Variants in SEMA4B observed in about 807,000 individuals in gnomAD.
SEMA4B encodes the protein semaphorin 4B.
A neutral mutation model predicts 88.1 loss-of-function variants in SEMA4B; 55 were observed. That is an observed-to-expected ratio of 0.62 (90% CI 0.50 to 0.78). The LOEUF is 0.78. SEMA4B is among the 30% of genes least tolerant of loss of function. SEMA4B has a pLI of 0.00. For missense variants in SEMA4B, 1,062 were observed against 1,111.9 expected (o/e 0.96, Z 0.64); for synonymous variants, 525 against 473.6 (o/e 1.11, Z -1.41).
At chr15:90,186,963 TAAAAA>T (rs1960185069) in intron 1 of SEMA4B, among the ~76,000 whole-genome samples, 1 of 151,684 alleles carries the variant, frequency 6.6e-6, no homozygotes, top group Non-Finnish European at 1.5e-5. Context: ...AACAAAAAAA[TAAAAA>T]TAAAATAAAT....
At position 90,221,768 on chromosome 15, in the gene SEMA4B, G is replaced by A; in HGVS notation, c.861+3G>A. ...CCCGCATTGCCCGCATCTGCAAGGT[G>A]AGGGGAACGGGCTGACAGGGTGGCC... On this transcript the variant is annotated splice_donor_region_variant and intron_variant, in intron 7 of 13. Coordinates refer to ENST00000411539, the MANE Select transcript of SEMA4B (RefSeq NM_198925.4). The A allele has an allele frequency of 6.2e-7, 1 of 1,613,486 alleles. No individual in the cohort carries two copies. The highest frequency in any genetic ancestry group is 8.5e-7 in the Non-Finnish European group (1 of 1,179,654).
At chr15:90,195,824 G>A (rs1365962008) in intron 1 of SEMA4B, among the ~76,000 whole-genome samples, 1 of 151,774 alleles carries the variant, frequency 6.6e-6, no homozygotes, top group Non-Finnish European at 1.5e-5. Flanking sequence ...TGCCCAGGTT[G>A]GTCCCGAACC....
chr15:90,224,518 G>A (rs1445549633), intron 9 of SEMA4B, among the ~76,000 whole-genome samples: 1 of 152,216 alleles, frequency 6.6e-6, no homozygotes, highest in African/African-American at 2.4e-5. Flanking sequence ...TGTTGCTGTG[G>A]GCAGCTGGAG....
chr15:90,222,431 G>A (rs538008917), intron 7 of SEMA4B, among the ~76,000 whole-genome samples: 3 of 151,470 alleles, frequency 2.0e-5, no homozygotes, highest in African/African-American at 4.8e-5. Context: ...TTAGCTGGGC[G>A]TGGTGGTGCA....
chr15:90,197,030 T>C (rs923213957), upstream of SEMA4B, among the ~76,000 whole-genome samples: 3 of 152,210 alleles, frequency 2.0e-5, no homozygotes, highest in Admixed American at 2.0e-4. Flanking sequence ...CTCATGTTTA[T>C]GTCGTACTTT....
rs1960739429 is a variant in SEMA4B, at chr15:90,201,650, G to A, written c.72G>A (p.Pro24=). Reference sequence around the variant, plus strand: ...GGGGCGCGCTGCCGCCTCGGCCACCGCTGCTGCTGCTCCTGCTGCTGCTGC... The same window carrying A: ...GGGGCGCGCTGCCGCCTCGGCCACCACTGCTGCTGCTCCTGCTGCTGCTGC... ...APWGALPPRP[P]LLLLLLLLLL... The change falls in exon 1 of 14, where the codon CCG becomes CCA. Residue 24 remains proline, a synonymous_variant. Transcript: ENST00000411539. 5 of 1,515,682 alleles carry A rather than the reference G, an allele frequency of 3.3e-6. No individual in the cohort carries two copies. The highest frequency in any genetic ancestry group is 1.4e-5 in the African/African-American group (1 of 69,980). The allele number at this position is 1,515,682 out of a possible 1,614,324, so 93.9% of individuals were successfully genotyped here.
At position 90,217,524 on chromosome 15, in the gene SEMA4B, C is replaced by G; in HGVS notation, c.243C>G (p.Thr81=). The G allele has an allele frequency of 1.2e-6, 2 of 1,613,972 alleles. No homozygotes were observed. The highest frequency in any genetic ancestry group is 1.7e-6 in the Non-Finnish European group (2 of 1,179,890). ...TALLLSRDGR[T]LYVGAREALF... is the part of the protein sequence containing the mutation. The stretch of plus-strand genomic sequence containing the variant: ...TTCTGCTGAGCAGGGATGGCAGGAC[C>G]CTGTACGTGGGTGCTCGAGAGGCCC... Residue 81 remains threonine (T), a synonymous_variant, in exon 2 of 14, where the codon ACC becomes ACG. Transcript: ENST00000411539.
At chr15:90,198,293 T>C (rs1414965930), upstream of SEMA4B, among the ~76,000 whole-genome samples, 1 of 152,178 alleles carries the variant, frequency 6.6e-6, no homozygotes, top group Non-Finnish European at 1.5e-5. Flanking sequence ...TCAGCAGTAT[T>C]CTGTGACTCA....
At chr15:90,224,614 C>T (rs1430302428) in intron 9 of SEMA4B, among the ~76,000 whole-genome samples, 3 of 152,176 alleles carry the variant, frequency 2.0e-5, no homozygotes, top group Non-Finnish European at 4.4e-5. Flanking sequence ...AAAGAACTGC[C>T]GACTGCACTG....
intron 4 of SEMA4B, 62 bp downstream of exon 4, chr15:90,219,953 G>T (rs1596149716): frequency 7.6e-7 from 1 of 1,308,972 alleles, no homozygotes; most frequent in Non-Finnish European, 1.1e-6. Context: ...CTGCCCCAGG[G>T]ATCCTGTTCT....
rs1297242492 is a variant in SEMA4B, at chr15:90,224,999, T to C, written c.1226T>C (p.Ile409Thr). Residue 409 changes from isoleucine to threonine, a missense_variant, in exon 10 of 14, where the codon ATC becomes ACC. Transcript: ENST00000411539. The stretch of plus-strand genomic sequence containing the variant: ...ACCAACAGTGCCCGGGAAAGGAAGA[T>C]CAACTCATCCCTGCAGCTCCCAGAC... ...CITNSARERK[I>T]NSSLQLPDRV... 6.2e-7 allele frequency: 1 copy of C among 1,613,886 alleles called. No individual in the cohort carries two copies. The highest frequency in any genetic ancestry group is 8.5e-7 in the Non-Finnish European group (1 of 1,179,856).
chr15:90,227,216 T>G, intron 12 of SEMA4B: 1 of 242,506 alleles, frequency 4.1e-6, no homozygotes, highest in East Asian at 1.1e-4. Flanking sequence ...CCTGGCTAAT[T>G]TTTCTATTTT....
In SEMA4B at chr15:90,219,771, T is replaced by A. The variant is rs532240843; in HGVS notation, c.385-22T>A. ...GGCATGCTTGGGCGTGGGACTGATATCCCCTCGCTCCTTCCCCCCAGCGCG... is the reference window on the plus strand; with the variant it reads ...GGCATGCTTGGGCGTGGGACTGATAACCCCTCGCTCCTTCCCCCCAGCGCG... On this transcript the variant is annotated intron_variant, in intron 3 of 13. Transcript: ENST00000411539. 3 of 1,595,646 alleles carry A rather than the reference T, an allele frequency of 1.9e-6. No individual in the cohort carries two copies. In the South Asian group the frequency reaches 3.3e-5, roughly 18 times the overall value.
chr15:90,219,553 G>A (rs2151617082), intron 3 of SEMA4B: 2 of 517,966 alleles, frequency 3.9e-6, no homozygotes, highest in South Asian at 2.5e-5. Flanking sequence ...CCCCTAGGCC[G>A]AAGGAAAGTT....
chr15:90,207,163 TC>T (rs1961033333), intron 1 of SEMA4B, among the ~76,000 whole-genome samples: 1 of 152,156 alleles, frequency 6.6e-6, no homozygotes, highest in Non-Finnish European at 1.5e-5. Context: ...GAGTGTTCTG[TC>T]CAGCTGCTAG....
chr15:90,212,666 A>C lies in SEMA4B; in HGVS notation c.158-4773A>C, dbSNP rs887176503. Among the ~76,000 whole-genome samples, 2 of 148,780 alleles carry C rather than the reference A, an allele frequency of 1.3e-5. No individual in the cohort carries two copies. Among genetic ancestry groups the C allele is most frequent in the Admixed American group, 6.7e-5 (1 of 14,920 alleles). ...TGTACACACACACACACACACACAC[A>C]CCACAGGCAAGCTCAGGCAGGGTCC... On this transcript the variant is annotated intron_variant, in intron 1 of 13. Coordinates refer to ENST00000411539, the MANE Select transcript of SEMA4B (RefSeq NM_198925.4). This position sits in a 1 kb window ranked among gnomAD's most constrained non-coding sequence, Gnocchi z 4.0.
intron 12 of SEMA4B, 21 bp from the exon 13 acceptor site, chr15:90,227,536 A>G (rs749758998): frequency 2.5e-6 from 4 of 1,613,004 alleles, no homozygotes; most frequent in Admixed American, 3.3e-5. Context: ...GGCCAATCCC[A>G]GAATTCTCTC....
rs1394124001 is a variant in SEMA4B, at chr15:90,212,395, C to T, written c.158-5044C>T. On this transcript the variant is annotated intron_variant, in intron 1 of 13. Coordinates refer to ENST00000411539, the MANE Select transcript of SEMA4B (RefSeq NM_198925.4). The surrounding 1 kb of genome is among the most constrained non-coding windows in gnomAD (Gnocchi z 4.0). ...ATGGGAAAACCGGCCGCAGCCTCGGCGTGCCCTGCTTTCTTCATACTGGAC... is the reference window on the plus strand; with the variant it reads ...ATGGGAAAACCGGCCGCAGCCTCGGTGTGCCCTGCTTTCTTCATACTGGAC... Among the ~76,000 whole-genome samples, 4 of 152,166 alleles carry T rather than the reference C, an allele frequency of 2.6e-5. No homozygotes were observed. Among genetic ancestry groups the T allele is most frequent in the African/African-American group, 9.7e-5 (4 of 41,428 alleles).
Position 90,229,264 on chromosome 15 carries a change from C to T in SEMA4B, c.*621C>T, listed in dbSNP as rs546845503. The T allele has an allele frequency of 6.5e-4, 296 of 456,394 alleles. 5 individuals are homozygous for T. Among genetic ancestry groups the T allele is most frequent in the South Asian group, 4.4e-3 (287 of 64,542 alleles). 28.3% of individuals were successfully genotyped at this position (456,394 alleles called of 1,614,324 possible). A position where few individuals can be genotyped will look rare whatever the true frequency, so the allele number is the denominator to read the frequency against. ...TGCGGCCCTCACCAGGTCCTGGGCT[C>T]GGACCCAACTCCTGGACCTTTCCAG... On this transcript the variant is annotated 3_prime_UTR_variant, in exon 14 of 14. Coordinates refer to ENST00000411539, the MANE Select transcript of SEMA4B (RefSeq NM_198925.4).
Sources: allele counts gnomAD v4.1 joint callset (sites outside exome capture counted in the v4.1 genomes callset), GRCh38; gene constraint gnomAD v4.1.1; non-coding constraint Gnocchi (gnomAD v3.1); transcripts MANE v1.5; gene names NCBI Gene and HGNC (gene_info 2026-07-23, HGNC 2026-07-21).